The following CPLANE1 variants were observed in gnomAD, a reference collection of about 807,000 sequenced individuals.
The protein encoded by CPLANE1 is ciliogenesis and planar polarity effector 1.
In CPLANE1, 263 loss-of-function variants were observed where a neutral mutation model predicts 362.5. That is an observed-to-expected ratio of 0.73 (90% CI 0.66 to 0.80). CPLANE1 has a LOEUF of 0.80. Ranked by LOEUF, CPLANE1 falls within the 30% of genes least tolerant of loss-of-function variation. The pLI is 0.00. For synonymous variants in CPLANE1, 1,212 were observed against 1,302.6 expected, an observed-to-expected ratio of 0.93 and a Z score of 1.50; for missense variants, 3,461 against 3,793.4, an observed-to-expected ratio of 0.91 and a Z score of 2.30.
chr5:37,076,570 C>T, the CPLANE1 span, among the ~76,000 whole-genome samples: 406 of 152,120 alleles, frequency 2.7e-3, no homozygotes, highest in African/African-American at 9.4e-3. Flanking sequence ...CCTCAATCTC[C>T]CAAAGTGCTG....
the CPLANE1 span, among the ~76,000 whole-genome samples, chr5:37,086,728 GC>G: frequency 6.6e-6 from 1 of 152,198 alleles, no homozygotes; most frequent in Non-Finnish European, 1.5e-5. Context: ...GGGAGGGCCA[GC>G]GAGTCAGGGC....
Position 37,107,664 on chromosome 5 carries a change from C to T in CPLANE1, c.9694G>A (p.Glu3232Lys), listed in dbSNP as rs372215544. 5.0e-6 allele frequency: 8 copies of T among 1,611,290 alleles called. No homozygotes were observed. Among genetic ancestry groups the T allele is most frequent in the South Asian group, 1.1e-5 (1 of 90,426 alleles). The change falls in exon 53 of 53, where the codon GAA becomes AAA. Residue 3232 changes from glutamate to lysine, a missense_variant. Transcript: ENST00000651892. ...ILSKLDWNAI[E>K]DMVASVEDQG... Reference sequence around the variant, plus strand: ...TCCTCCACGCTGGCCACCATGTCTTCGATGGCATTCCAGTCCAGCTTGCTG... The same window carrying T: ...TCCTCCACGCTGGCCACCATGTCTTTGATGGCATTCCAGTCCAGCTTGCTG...
rs1000887631 is a variant in CPLANE1, at chr5:37,241,882, G to A, written c.677+1131C>T. ...TGGGCTCAAGTGATCCTCCTGCCTC[G>A]GCCTCCCAGAGTGCTGGGATTACAG... On this transcript the variant is annotated intron_variant, in intron 6 of 52. Coordinates refer to ENST00000651892, the MANE Select transcript of CPLANE1 (RefSeq NM_001384732.1). 4.0e-5 allele frequency among the ~76,000 whole-genome samples: 6 copies of A among 151,886 alleles called. No homozygotes were observed. In the South Asian group the frequency reaches 6.2e-4, roughly 16 times the overall value.
Position 37,227,722 on chromosome 5 carries a change from T to G in CPLANE1, c.1217A>C (p.His406Pro). 1 of 1,551,426 alleles carries G rather than the reference T, an allele frequency of 6.4e-7. No individual in the cohort carries two copies. Among genetic ancestry groups the G allele is most frequent in the Non-Finnish European group, 8.7e-7 (1 of 1,146,866 alleles). Residue 406 changes from histidine to proline, a missense_variant, in exon 10 of 53, where the codon CAC (histidine) becomes CCC (proline). This residue lies in a region of CPLANE1 where 3,380 missense variants were observed against 3,666.1 expected (regional missense o/e 0.92). Coordinates refer to ENST00000651892, the MANE Select transcript of CPLANE1 (RefSeq NM_001384732.1). ...PMRQRFSIKA[H>P]SRLPYLVISD... ...TATAACGAGGTAGGGTAACCGTGAG[T>G]GTGCTTTTATAGAAAATCTCTGTCT... is the stretch of plus-strand genomic sequence containing the variant.
the CPLANE1 span, among the ~76,000 whole-genome samples, chr5:37,090,701 C>G: frequency 3.3e-5 from 5 of 152,302 alleles, no homozygotes; most frequent in East Asian, 5.8e-4. Flanking sequence ...TTCAATCACT[C>G]GATCTGGGTT....
chr5:37,232,908 T>C (rs1798069021), intron 8 of CPLANE1, among the ~76,000 whole-genome samples: 1 of 150,242 alleles, frequency 6.7e-6, no homozygotes, highest in South Asian at 2.1e-4. Flanking sequence ...AGGTAGCATG[T>C]AACTCCTCCA....
In CPLANE1 at chr5:37,153,980, T is replaced by C. The variant is rs1774296797; in HGVS notation, c.8133A>G (p.Pro2711=). The C allele has an allele frequency of 1.8e-5, 29 of 1,608,610 alleles. No homozygotes were observed. The highest frequency in any genetic ancestry group is 2.3e-5 in the Non-Finnish European group (27 of 1,176,190). Residue 2711 remains proline, a synonymous_variant, in exon 42 of 53, where the codon CCA becomes CCG. Transcript: ENST00000651892. Reference sequence around the variant, plus strand: ...TGCTCTGTCCTTTGAATCGGAACTCTGGTTTTGGCAGACCTAAATATTAAT... The same window carrying C: ...TGCTCTGTCCTTTGAATCGGAACTCCGGTTTTGGCAGACCTAAATATTAAT... ...DIQQNKGLPK[P]EFRFKGQSTK...
At chr5:37,186,517 A>C in intron 23 of CPLANE1, 123 bp from the exon 24 acceptor site, 1 of 607,200 alleles carries the variant, frequency 1.6e-6, no homozygotes, top group Non-Finnish European at 3.0e-6. Context: ...TTTTGAAGTC[A>C]GGTCAAAGCC....
chr5:37,142,750 A>G (rs545066701), intron 43 of CPLANE1: 19 of 215,406 alleles, frequency 8.8e-5, no homozygotes, highest in Admixed American at 8.7e-4. Flanking sequence ...ATTACAAAAA[A>G]AAATTTTAAT....
intron 28 of CPLANE1, 30 bp downstream of exon 28, chr5:37,179,987 C>CA (rs746831438): frequency 3.4e-6 from 5 of 1,478,536 alleles, no homozygotes; most frequent in South Asian, 1.4e-5. Flanking sequence ...TTAATAAAGC[C>CA]AAAAAAATAG....
chr5:37,151,809 G>A (rs1403598022), intron 42 of CPLANE1, among the ~76,000 whole-genome samples: 1 of 152,054 alleles, frequency 6.6e-6, no homozygotes, highest in Non-Finnish European at 1.5e-5. Flanking sequence ...AGTACTTTGG[G>A]AGGCTGAGGT....
At position 37,107,515 on chromosome 5, in the gene CPLANE1, T is replaced by C; in HGVS notation, c.*87A>G. 7.4e-7 allele frequency: 1 copy of C among 1,345,520 alleles called. No homozygotes were observed. The allele number at this position is 1,345,520 out of a possible 1,614,324, so 83.3% of individuals were successfully genotyped here. A position where few individuals can be genotyped will look rare whatever the true frequency, so the allele number is the denominator to read the frequency against. ...GGAAAATTCACATTGCTTCTTTCAT[T>C]GCTTCTGTCCCTTAAACCTGTTAAT... is the stretch of plus-strand genomic sequence containing the variant. On this transcript the variant is annotated 3_prime_UTR_variant, in exon 53 of 53. Coordinates refer to ENST00000651892, the MANE Select transcript of CPLANE1 (RefSeq NM_001384732.1).
chr5:37,141,351 G>A (rs1769655664), intron 44 of CPLANE1: 1 of 985,306 alleles, frequency 1.0e-6, no homozygotes, highest in South Asian at 4.7e-5. Context: ...CCTCCCCAGA[G>A]AAGAGAAGAG....
At chr5:37,138,013 T>C (rs889736516) in intron 46 of CPLANE1, among the ~76,000 whole-genome samples, 2 of 152,120 alleles carry the variant, frequency 1.3e-5, no homozygotes, top group Admixed American at 6.6e-5. Flanking sequence ...AGAATGTATA[T>C]TCTGTGGTTG....
intron 50 of CPLANE1, among the ~76,000 whole-genome samples, chr5:37,119,497 C>T (rs980694888): frequency 2.0e-5 from 3 of 151,622 alleles, no homozygotes; most frequent in Non-Finnish European, 4.4e-5. Context: ...ATGGAGAAAC[C>T]CCATCTCTTC....
intron 37 of CPLANE1, among the ~76,000 whole-genome samples, chr5:37,163,844 G>A (rs1219697899): frequency 7.4e-4 from 112 of 152,144 alleles, no homozygotes; most frequent in Non-Finnish European, 8.8e-5. Context: ...CCACTTCTGG[G>A]AAAGAGAAGG....
intron 5 of CPLANE1, among the ~76,000 whole-genome samples, chr5:37,243,749 C>A (rs1366226105): frequency 6.9e-6 from 1 of 144,072 alleles, no homozygotes; most frequent in Admixed American, 7.1e-5. Context: ...ATATAATATG[C>A]ATATAATATA....
the CPLANE1 span, chr5:37,085,267 T>C: frequency 3.4e-6 from 3 of 887,932 alleles, no homozygotes; most frequent in Non-Finnish European, 5.8e-6. Flanking sequence ...TTCATTAAGG[T>C]TGATGGCAAG....
At chr5:37,079,847 AAGCAT>A in the CPLANE1 span, among the ~76,000 whole-genome samples, 2 of 152,230 alleles carry the variant, frequency 1.3e-5, no homozygotes, top group Non-Finnish European at 2.9e-5. Flanking sequence ...GCAAGACATA[AAGCAT>A]AGTACATGGT....
Sources: allele counts gnomAD v4.1 joint callset (sites outside exome capture counted in the v4.1 genomes callset), GRCh38; gene constraint gnomAD v4.1.1; regional missense constraint gnomAD v4.1.1; transcripts MANE v1.5; gene names NCBI Gene and HGNC (gene_info 2026-07-23, HGNC 2026-07-21).